Variants in CASQ2 observed in about 807,000 individuals in gnomAD.
CASQ2 encodes the protein calsequestrin-2.
A neutral mutation model predicts 46.5 loss-of-function variants in CASQ2; 49 were observed. That is an observed-to-expected ratio of 1.05 (90% CI 0.84 to 1.34). The LOEUF is 1.34. Ranked by LOEUF, CASQ2 falls within the 40% of genes most tolerant of loss-of-function variation. The pLI is 0.00. For missense variants in CASQ2, 486 were observed against 481.3 expected (o/e 1.01, Z -0.09); for synonymous variants, 174 against 168.5 (o/e 1.03, Z -0.25).
intron 1 of CASQ2, among the ~76,000 whole-genome samples, chr1:115,749,602 A>C (rs1383070043): frequency 6.6e-6 from 1 of 152,142 alleles, no homozygotes; most frequent in African/African-American, 2.4e-5. Context: ...ATAAGACCCA[A>C]AACTTGCCCA....
Position 115,768,011 on chromosome 1 carries a change from G to T in CASQ2, c.234+297C>A, listed in dbSNP as rs549709233. On this transcript the variant is annotated intron_variant, in intron 1 of 10. Transcript: ENST00000261448. ...ACAATAGTTTCTACATTCTATCTGG[G>T]AAACAATGGCTGGGACAAGGGCCCT... 3.2e-3 allele frequency among the ~76,000 whole-genome samples: 480 copies of T among 152,180 alleles called. No individual in the cohort carries two copies. Among genetic ancestry groups the T allele is most frequent in the Non-Finnish European group, 4.5e-3 (304 of 68,012 alleles).
chr1:115,712,780 C>T (rs1419091365), intron 8 of CASQ2, among the ~76,000 whole-genome samples: 4 of 150,112 alleles, frequency 2.7e-5, no homozygotes, highest in African/African-American at 4.9e-5. Flanking sequence ...CGCTTGAACC[C>T]GGGAGGTGGA....
At chr1:115,702,729 G>A (rs1011182963) in intron 10 of CASQ2, among the ~76,000 whole-genome samples, 192 bp downstream of exon 10, 3 of 152,266 alleles carry the variant, frequency 2.0e-5, no homozygotes, top group Admixed American at 6.5e-5. Context: ...CCATGGAAGA[G>A]AGCCATGGAA....
At chr1:115,751,270 G>A (rs1409506933) in intron 1 of CASQ2, among the ~76,000 whole-genome samples, 1 of 152,186 alleles carries the variant, frequency 6.6e-6, no homozygotes, top group Non-Finnish European at 1.5e-5. Context: ...ATAATGGAAA[G>A]AGAACAATTA....
At chr1:115,703,251 T>C (rs1349763900) in intron 9 of CASQ2, among the ~76,000 whole-genome samples, 1 of 152,234 alleles carries the variant, frequency 6.6e-6, no homozygotes, top group Non-Finnish European at 1.5e-5. Context: ...GGTGGTCTAA[T>C]GTTGCTTTCC....
At chr1:115,739,652 A>G (rs543598020) in intron 3 of CASQ2, among the ~76,000 whole-genome samples, 2 of 152,228 alleles carry the variant, frequency 1.3e-5, no homozygotes, top group African/African-American at 2.4e-5. Flanking sequence ...ACTGCTGGCC[A>G]TCTTATAGCT....
At position 115,700,818 on chromosome 1, in the gene CASQ2, T is replaced by TCTTC; in HGVS notation, c.*419_*422dup. ...AGGGAGCTAAATCATTAATCATGTG[T>TCTTC]CTTCCCTGGGCTCTGATTAAAAGGT... is the stretch of plus-strand genomic sequence containing the variant. On this transcript the variant is annotated 3_prime_UTR_variant, in exon 11 of 11. Coordinates refer to ENST00000261448, the MANE Select transcript of CASQ2 (RefSeq NM_001232.4). 1 of 516,078 alleles carries TCTTC rather than the reference T, an allele frequency of 1.9e-6. No homozygotes were observed. The highest frequency in any genetic ancestry group is 3.6e-5 in the Admixed American group (1 of 27,820). The allele number at this position is 516,078 out of a possible 1,614,324, so 32.0% of individuals were successfully genotyped here. A position where few individuals can be genotyped will look rare whatever the true frequency, so the allele number is the denominator to read the frequency against.
In CASQ2 at chr1:115,753,933, T is replaced by A. The variant is rs539880718; in HGVS notation, c.235-9021A>T. Among the ~76,000 whole-genome samples, 4 of 152,004 alleles carry A rather than the reference T, an allele frequency of 2.6e-5. No homozygotes were observed. The South Asian group carries it at 8.3e-4, about 32-fold the overall frequency. On this transcript the variant is annotated intron_variant, in intron 1 of 10. Coordinates refer to ENST00000261448, the MANE Select transcript of CASQ2 (RefSeq NM_001232.4). Reference sequence around the variant, plus strand: ...AGCCTCGGGGAAAATGTCACAGATCTCTGCTCCAAGTGAATGTCCCTCAGG... The same window carrying A: ...AGCCTCGGGGAAAATGTCACAGATCACTGCTCCAAGTGAATGTCCCTCAGG...
chr1:115,750,770 A>G (rs918773236), intron 1 of CASQ2, among the ~76,000 whole-genome samples: 40 of 152,208 alleles, frequency 2.6e-4, no homozygotes, highest in Admixed American at 1.2e-3. Context: ...GCCTCCCAAA[A>G]TGTTGGGATT....
At chr1:115,746,949 T>C (rs1648412870) in intron 1 of CASQ2, among the ~76,000 whole-genome samples, 1 of 152,204 alleles carries the variant, frequency 6.6e-6, no homozygotes, top group Non-Finnish European at 1.5e-5. Context: ...AATCATTTCA[T>C]CTTCTTAATA....
intron 1 of CASQ2, among the ~76,000 whole-genome samples, chr1:115,765,844 C>G (rs953447318): frequency 1.6e-4 from 25 of 152,288 alleles, no homozygotes; most frequent in African/African-American, 4.6e-4. Flanking sequence ...CCCCCTACCC[C>G]CTAACAGCCA....
At position 115,712,691 on chromosome 1, in the gene CASQ2, A is replaced by G. The variant is rs147410060; in HGVS notation, c.838+5149T>C. Reference sequence around the variant, plus strand: ...CATAATCCCAGCACTTTGGGAGGCTATTGAAAATACAAAACTTAGCCAGGT... The same window carrying G: ...CATAATCCCAGCACTTTGGGAGGCTGTTGAAAATACAAAACTTAGCCAGGT... On this transcript the variant is annotated intron_variant, in intron 8 of 10. Transcript: ENST00000261448. Among the ~76,000 whole-genome samples, 210 of 152,138 alleles carry G rather than the reference A, an allele frequency of 1.4e-3. 1 individual carries two copies. The Middle Eastern group carries it at 0.027, about 20-fold the overall frequency.
intron 7 of CASQ2, among the ~76,000 whole-genome samples, chr1:115,725,055 T>C (rs747191703): frequency 3.9e-5 from 6 of 152,112 alleles, no homozygotes; most frequent in Non-Finnish European, 7.4e-5. Flanking sequence ...AAGTTGTCCA[T>C]GTTTTTGTTT....
intron 7 of CASQ2, among the ~76,000 whole-genome samples, chr1:115,722,281 G>T (rs1647405631): frequency 1.3e-5 from 2 of 152,128 alleles, no homozygotes; most frequent in African/African-American, 4.8e-5. Context: ...AATTCAATAT[G>T]CAATAATGTG....
At chr1:115,730,359 T>C (rs1647743748) in intron 5 of CASQ2, among the ~76,000 whole-genome samples, 2 of 152,228 alleles carry the variant, frequency 1.3e-5, no homozygotes, top group South Asian at 2.1e-4. Flanking sequence ...TGTTTACTTT[T>C]GAACTTTCTG....
At chr1:115,706,742 T>C (rs1654373877) in intron 8 of CASQ2, among the ~76,000 whole-genome samples, 1 of 152,146 alleles carries the variant, frequency 6.6e-6, no homozygotes. Flanking sequence ...TCTTCTTTTG[T>C]CTGGAGTCTC....
At chr1:115,715,958 T>G (rs1654688196) in intron 8 of CASQ2, among the ~76,000 whole-genome samples, 1 of 152,248 alleles carries the variant, frequency 6.6e-6, no homozygotes, top group South Asian at 2.1e-4. Flanking sequence ...CTTCATGATC[T>G]GCCACTAACT....
intron 1 of CASQ2, among the ~76,000 whole-genome samples, chr1:115,749,424 G>C (rs1011194277): frequency 1.3e-5 from 2 of 152,122 alleles, no homozygotes; most frequent in African/African-American, 4.8e-5. Context: ...CCGATTCCCT[G>C]GTTAACTAAA....
rs754893783 is a variant in CASQ2, at chr1:115,703,005, CA to C, written c.940-11del. ...CCCAGTAGGCAACGAGCTGCAGCAA[CA>C]AAAAAATAAGATTAGACAGCAGGCA... On this transcript the variant is annotated splice_polypyrimidine_tract_variant and intron_variant, in intron 9 of 10. Coordinates refer to ENST00000261448, the MANE Select transcript of CASQ2 (RefSeq NM_001232.4). 17 of 1,608,648 alleles carry C rather than the reference CA, an allele frequency of 1.1e-5. No individual in the cohort carries two copies. The highest frequency in any genetic ancestry group is 3.4e-5 in the Admixed American group (2 of 59,514).
Sources: allele counts gnomAD v4.1 joint callset (sites outside exome capture counted in the v4.1 genomes callset), GRCh38; gene constraint gnomAD v4.1.1; transcripts MANE v1.5; gene names NCBI Gene and HGNC (gene_info 2026-07-23, HGNC 2026-07-21).